The following OLA1 variants were observed in gnomAD, a reference collection of about 807,000 sequenced individuals.
OLA1 encodes Obg like ATPase 1.
Under a neutral mutation model 48.4 loss-of-function variants are expected in OLA1, and 14 were observed. The observed-to-expected ratio is 0.29, with a 90% CI of 0.19 to 0.45. OLA1 has a LOEUF of 0.45. OLA1 is among the 20% of genes least tolerant of loss of function. The pLI is 1.00. For missense variants in OLA1, 325 were observed against 467.1 expected (o/e 0.70, Z 2.80); for synonymous variants, 127 against 150.4 (o/e 0.84, Z 1.14).
intron 4 of OLA1, among the ~76,000 whole-genome samples, chr2:174,181,006 C>G (rs1165371416): frequency 6.6e-6 from 1 of 152,240 alleles, no homozygotes; most frequent in Admixed American, 6.5e-5. Context: ...AGGACAATGG[C>G]ACATACAAGG....
intron 4 of OLA1, among the ~76,000 whole-genome samples, chr2:174,150,601 A>G (rs1053882298): frequency 6.6e-6 from 1 of 152,264 alleles, no homozygotes; most frequent in African/African-American, 2.4e-5. Flanking sequence ...ACAGAGACAC[A>G]GAATTCCTTG....
intron 4 of OLA1, among the ~76,000 whole-genome samples, chr2:174,144,951 A>AATATATATATATATATATATATAT (rs71021672): frequency 5.0e-5 from 2 of 40,278 alleles, no homozygotes; most frequent in African/African-American, 1.0e-4. Context: ...AAAAAAAAAA[A>AATATATATATATATATATATATAT]ATATATATAT....
At chr2:174,175,458 T>C (rs926476893) in intron 4 of OLA1, among the ~76,000 whole-genome samples, 4 of 151,940 alleles carry the variant, frequency 2.6e-5, no homozygotes, top group African/African-American at 4.8e-5. Flanking sequence ...AAAGAAGATA[T>C]ACAGTTTGGA....
chr2:174,141,589 T>C (rs548937637), intron 5 of OLA1, among the ~76,000 whole-genome samples: 1 of 152,312 alleles, frequency 6.6e-6, no homozygotes, highest in Admixed American at 6.5e-5. Context: ...ATAGTAATCA[T>C]GTAAACACTC....
chr2:174,244,750 G>C (rs1279334071), intron 2 of OLA1, among the ~76,000 whole-genome samples: 1 of 151,652 alleles, frequency 6.6e-6, no homozygotes, highest in Non-Finnish European at 1.5e-5. Context: ...CCAGCCTCCC[G>C]AGTATCTGGA....
At chr2:174,190,108 T>C (rs1574539404) in intron 4 of OLA1, among the ~76,000 whole-genome samples, 1 of 152,202 alleles carries the variant, frequency 6.6e-6, no homozygotes, top group South Asian at 2.1e-4. Context: ...GAAAAAAATA[T>C]TGAATTGCAT....
At chr2:174,114,172 C>CAAAAAAAAAAAA (rs33971592) in intron 7 of OLA1, among the ~76,000 whole-genome samples, 35 of 78,012 alleles carry the variant, frequency 4.5e-4, no homozygotes, top group Non-Finnish European at 5.3e-4. Flanking sequence ...ACTAAAAATA[C>CAAAAAAAAAAAA]AAAAAAAAAA....
chr2:174,232,170 T>G (rs1688742434), intron 2 of OLA1, among the ~76,000 whole-genome samples: 1 of 152,210 alleles, frequency 6.6e-6, no homozygotes, highest in African/African-American at 2.4e-5. Flanking sequence ...CATACTTTAT[T>G]TTGGAAATTA....
At chr2:174,235,911 G>A (rs1046057792) in intron 2 of OLA1, among the ~76,000 whole-genome samples, 30 of 152,294 alleles carry the variant, frequency 2.0e-4, no homozygotes, top group African/African-American at 6.3e-4. Context: ...ATGAGCCACA[G>A]TGGAGAGATC....
chr2:174,196,113 T>G (rs1687874376), intron 4 of OLA1, among the ~76,000 whole-genome samples: 1 of 152,144 alleles, frequency 6.6e-6, no homozygotes, highest in Non-Finnish European at 1.5e-5. Flanking sequence ...ATAAAAGAAG[T>G]TATCTAACAG....
chr2:174,227,009 G>A (rs1688630073), intron 3 of OLA1, among the ~76,000 whole-genome samples: 1 of 151,988 alleles, frequency 6.6e-6, no homozygotes, highest in African/African-American at 2.4e-5. Context: ...AGAATCATTT[G>A]ACCGTGCCCA....
intron 8 of OLA1, among the ~76,000 whole-genome samples, chr2:174,081,670 G>C (rs1055825096): frequency 2.0e-5 from 3 of 151,926 alleles, no homozygotes; most frequent in Non-Finnish European, 2.9e-5. Flanking sequence ...GAGTTTTGGC[G>C]ATCATTCCTT....
At chr2:174,173,916 G>C (rs192185518) in intron 4 of OLA1, among the ~76,000 whole-genome samples, 2 of 150,694 alleles carry the variant, frequency 1.3e-5, no homozygotes, top group African/African-American at 4.9e-5. Context: ...ATGCTAGAAA[G>C]ACAAAAATTA....
At chr2:174,092,045 T>C (rs1685136470) in intron 7 of OLA1, among the ~76,000 whole-genome samples, 1 of 150,218 alleles carries the variant, frequency 6.7e-6, no homozygotes, top group Non-Finnish European at 1.5e-5. Flanking sequence ...GAGAATCACT[T>C]GAACCTGGGA....
chr2:174,215,232 G>C (rs1452396621), intron 4 of OLA1, among the ~76,000 whole-genome samples: 1 of 152,104 alleles, frequency 6.6e-6, no homozygotes, highest in African/African-American at 2.4e-5. Context: ...TCTTGTGGTG[G>C]TTTTATGAAT....
At chr2:174,134,704 G>A (rs1686260590) in intron 5 of OLA1, among the ~76,000 whole-genome samples, 1 of 151,848 alleles carries the variant, frequency 6.6e-6, no homozygotes, top group Non-Finnish European at 1.5e-5. Flanking sequence ...AACATATAGG[G>A]GTAATGGTTG....
At chr2:174,116,059 A>G (rs976697614) in intron 7 of OLA1, among the ~76,000 whole-genome samples, 3 of 152,248 alleles carry the variant, frequency 2.0e-5, no homozygotes, top group Non-Finnish European at 4.4e-5. Context: ...AGTCTTCAAA[A>G]GGAACATAAA....
At chr2:174,188,471 G>A (rs1687704473) in intron 4 of OLA1, among the ~76,000 whole-genome samples, 1 of 152,266 alleles carries the variant, frequency 6.6e-6, no homozygotes, top group East Asian at 1.9e-4. Context: ...GCTGTTGGAT[G>A]TTGTTGTCTA....
At chr2:174,167,451 C>T (rs539136252) in intron 4 of OLA1, among the ~76,000 whole-genome samples, 1 of 152,256 alleles carries the variant, frequency 6.6e-6, no homozygotes, top group South Asian at 2.1e-4. Context: ...TGGTGCATGC[C>T]TGTAATCCCA....
Sources: gnomAD v4.1 joint callset for allele counts (sites outside exome capture counted in the v4.1 genomes callset) on GRCh38, gnomAD v4.1.1 for gene constraint, MANE v1.5 for transcripts, NCBI Gene and HGNC (gene_info 2026-07-23, HGNC 2026-07-21) for gene names.